Variants in SERPINI1 observed in about 807,000 individuals in gnomAD.
SERPINI1 encodes the protein serpin family I member 1.
SERPINI1 carries 19 observed loss-of-function variants against 41.1 expected under a neutral mutation model. The ratio of observed to expected loss-of-function variants is 0.46; its 90% CI spans 0.32 to 0.68. The LOEUF is 0.68. Among genes scored for constraint, SERPINI1 ranks in the 30% least tolerant of loss-of-function variants. The probability of loss-of-function intolerance (pLI) is 0.03; values close to 1 mark genes in which losing one functional copy is unlikely to be tolerated. For missense variants in SERPINI1, 460 were observed against 479.2 expected, an observed-to-expected ratio of 0.96 and a Z score of 0.37; for synonymous variants, 138 against 156.6, an observed-to-expected ratio of 0.88 and a Z score of 0.89.
In SERPINI1 at chr3:167,792,801, T is replaced by C. The variant is rs763453312; in HGVS notation, c.676+17T>C. The stretch of plus-strand genomic sequence containing the variant: ...TTTATTATGGTAAGACATTTTTTGC[T>C]TTTATTTCTCTCTTCTTGCAGAATA... On this transcript the variant is annotated intron_variant, in intron 4 of 8. Coordinates refer to ENST00000446050, the MANE Select transcript of SERPINI1 (RefSeq NM_001122752.2). 1.3e-6 allele frequency: 2 copies of C among 1,597,036 alleles called. No individual in the cohort carries two copies. Among genetic ancestry groups the C allele is most frequent in the South Asian group, 2.2e-5 (2 of 90,756 alleles).
chr3:167,788,200 A>G (rs1318482667), intron 1 of SERPINI1, among the ~76,000 whole-genome samples: 1 of 152,200 alleles, frequency 6.6e-6, no homozygotes, highest in Non-Finnish European at 1.5e-5. Flanking sequence ...TTGTGGGAAG[A>G]CAGGGCTTCT....
chr3:167,789,397 G>T lies in SERPINI1; in HGVS notation c.250+19G>T. 6.2e-7 allele frequency: 1 copy of T among 1,613,792 alleles called. No homozygotes were observed. The highest frequency in any genetic ancestry group is 1.1e-5 in the South Asian group (1 of 91,042). The stretch of plus-strand genomic sequence containing the variant: ...AAAAATGGTAAGAGTGATCAGGTTT[G>T]ATTTCTCAAGACTTTTGAATTTGAC... On this transcript the variant is annotated intron_variant, in intron 2 of 8. Transcript: ENST00000446050.
chr3:167,772,891 TATACACACACACACACAC>T (rs1419842998), intron 1 of SERPINI1, among the ~76,000 whole-genome samples: 2,402 of 73,402 alleles, frequency 0.033, 84 homozygotes, highest in African/African-American at 0.057. Context: ...TATATATATA[TATACACACACACACACAC>T]ACACACACAC....
At chr3:167,785,760 G>C (rs972699261) in intron 1 of SERPINI1, among the ~76,000 whole-genome samples, 1 of 152,086 alleles carries the variant, frequency 6.6e-6, no homozygotes, top group Non-Finnish European at 1.5e-5. Flanking sequence ...ATGCTTATTG[G>C]CAATAGGTTG....
At chr3:167,811,216 G>A (rs947036626) in intron 6 of SERPINI1, among the ~76,000 whole-genome samples, 2 of 150,722 alleles carry the variant, frequency 1.3e-5, no homozygotes, top group Non-Finnish European at 2.9e-5. Context: ...CTTTCCAGAA[G>A]ATTTTTTCTT....
chr3:167,752,053 T>C (rs771035358), intron 1 of SERPINI1, among the ~76,000 whole-genome samples: 7 of 152,178 alleles, frequency 4.6e-5, no homozygotes, highest in Non-Finnish European at 8.8e-5. Context: ...GTAATAAACA[T>C]GCATTGTGTT....
At chr3:167,748,794 T>G (rs1363041260) in intron 1 of SERPINI1, among the ~76,000 whole-genome samples, 2 of 120,438 alleles carry the variant, frequency 1.7e-5, no homozygotes, top group Non-Finnish European at 3.7e-5. Context: ...GTGTGTGTGT[T>G]AACTGTATCT....
chr3:167,763,527 G>A (rs1406740493), intron 1 of SERPINI1, among the ~76,000 whole-genome samples: 4 of 152,064 alleles, frequency 2.6e-5, no homozygotes, highest in African/African-American at 9.7e-5. Flanking sequence ...ACACAGGTGT[G>A]CACCACCACG....
chr3:167,793,596 A>ATATATATATATATATATTTTTTTTT lies in SERPINI1; in HGVS notation c.676+813_676+814insATATATATATATATATTTTTTTTTT. ...TACAAATATATATATATATATATAT[A>ATATATATATATATATATTTTTTTTT]TTTTTAATTAGCTAGGCATAATGGT... is the stretch of plus-strand genomic sequence containing the variant. On this transcript the variant is annotated intron_variant, in intron 4 of 8. Transcript: ENST00000446050. Among the ~76,000 whole-genome samples, 8 of 140,616 alleles carry ATATATATATATATATATTTTTTTTT rather than the reference A, an allele frequency of 5.7e-5. No individual in the cohort carries two copies. In the East Asian group the frequency reaches 1.0e-3, roughly 18 times the overall value. 92.2% of individuals were successfully genotyped at this position (140,616 alleles called of 152,430 possible). A position where few individuals can be genotyped will look rare whatever the true frequency, so the allele number is the denominator to read the frequency against.
intron 5 of SERPINI1, among the ~76,000 whole-genome samples, chr3:167,803,405 A>G (rs1425952144): frequency 1.3e-5 from 2 of 152,160 alleles, no homozygotes; most frequent in African/African-American, 4.8e-5. Flanking sequence ...GAATGCAAAC[A>G]TACGACACCC....
intron 5 of SERPINI1, among the ~76,000 whole-genome samples, chr3:167,801,767 AAAT>A (rs1727906950): frequency 6.6e-6 from 1 of 152,202 alleles, no homozygotes; most frequent in Non-Finnish European, 1.5e-5. Flanking sequence ...AAGAGGAAAG[AAAT>A]AATAAATAAT....
chr3:167,808,563 A>G (rs1711745068), intron 6 of SERPINI1, among the ~76,000 whole-genome samples: 1 of 152,204 alleles, frequency 6.6e-6, no homozygotes, highest in South Asian at 2.1e-4. Context: ...TATGCAAATT[A>G]TTTAACCCAA....
intron 1 of SERPINI1, among the ~76,000 whole-genome samples, chr3:167,770,558 T>G: frequency 6.6e-6 from 1 of 152,136 alleles, no homozygotes; most frequent in East Asian, 1.9e-4. Flanking sequence ...ACTTTAAAAT[T>G]AGTCTAATTT....
Position 167,806,343 on chromosome 3 carries a change from G to A in SERPINI1, c.882-901G>A, listed in dbSNP as rs1172834905. ...GTCTGAGGGGGTAGGGGGGCAAGGG[G>A]AGGGAGAGCATTAGGACAAATACCT... On this transcript the variant is annotated intron_variant, in intron 5 of 8. Transcript: ENST00000446050. Among the ~76,000 whole-genome samples the A allele has an allele frequency of 2.6e-5, 4 of 152,028 alleles. No homozygotes were observed. In the East Asian group the frequency reaches 7.7e-4, roughly 29 times the overall value.
intron 6 of SERPINI1, among the ~76,000 whole-genome samples, chr3:167,809,695 G>A (rs1339487927): frequency 6.6e-6 from 1 of 152,004 alleles, no homozygotes; most frequent in African/African-American, 2.4e-5. Flanking sequence ...CCTTCTCTGT[G>A]TCCTACTCAC....
chr3:167,813,356 A>G (rs955728763), intron 6 of SERPINI1, among the ~76,000 whole-genome samples: 2 of 152,200 alleles, frequency 1.3e-5, no homozygotes, highest in African/African-American at 4.8e-5. Flanking sequence ...TTCTGGACAA[A>G]TCCAGGCTCT....
chr3:167,745,356 C>T (rs1725832567), intron 1 of SERPINI1, among the ~76,000 whole-genome samples: 1 of 151,962 alleles, frequency 6.6e-6, no homozygotes, highest in Non-Finnish European at 1.5e-5. Flanking sequence ...TGGCAAAACA[C>T]ACTTTCATGA....
intron 1 of SERPINI1, among the ~76,000 whole-genome samples, chr3:167,742,858 G>GTA (rs1559992295): frequency 1.4e-5 from 2 of 145,982 alleles, no homozygotes; most frequent in African/African-American, 5.2e-5. Flanking sequence ...GTGTGTGTGT[G>GTA]TAGAAGTTTA....
chr3:167,823,208 A>C (rs1577438336), intron 7 of SERPINI1, 136 bp downstream of exon 7: 1 of 716,272 alleles, frequency 1.4e-6, no homozygotes. Flanking sequence ...CAAATGCTGA[A>C]CCAGCCGGAA....
Sources: allele counts gnomAD v4.1 joint callset (sites outside exome capture counted in the v4.1 genomes callset), GRCh38; gene constraint gnomAD v4.1.1; transcripts MANE v1.5; gene names NCBI Gene and HGNC (gene_info 2026-07-23, HGNC 2026-07-21).